Variants in ASPH observed in about 807,000 individuals in gnomAD.
ASPH encodes aspartyl/asparaginyl beta-hydroxylase.
ASPH carries 100 observed loss-of-function variants against 118.4 expected under a neutral mutation model. The observed-to-expected ratio is 0.84, with a 90% CI of 0.72 to 1.00. ASPH has a LOEUF of 1.00. ASPH is among the 50% of genes least tolerant of loss of function. The pLI, the probability that ASPH is intolerant of heterozygous loss-of-function variation, is 0.00. For missense variants in ASPH, 920 were observed against 919.5 expected, an observed-to-expected ratio of 1.00 and a Z score of -0.01; for synonymous variants, 315 against 325.6, an observed-to-expected ratio of 0.97 and a Z score of 0.35.
chr8:61,634,136 A>G (rs1380352082), intron 12 of ASPH, among the ~76,000 whole-genome samples: 2 of 152,226 alleles, frequency 1.3e-5, no homozygotes, highest in African/African-American at 4.8e-5. Flanking sequence ...GAAAACTAAT[A>G]TTCCAGATAA....
At chr8:61,552,659 CTCT>C (rs556929148) in intron 20 of ASPH, among the ~76,000 whole-genome samples, 48 of 152,140 alleles carry the variant, frequency 3.2e-4, no homozygotes, top group African/African-American at 1.2e-3. Context: ...TCAGTGACAT[CTCT>C]TCATTTCAAA....
intron 14 of ASPH, among the ~76,000 whole-genome samples, chr8:61,591,443 C>T (rs1240977301): frequency 6.6e-6 from 1 of 150,766 alleles, no homozygotes; most frequent in Non-Finnish European, 1.5e-5. Flanking sequence ...CACTGAAGAT[C>T]TTGTAGGGAA....
intron 24 of ASPH, among the ~76,000 whole-genome samples, chr8:61,510,486 A>T (rs1289248003): frequency 3.3e-5 from 5 of 152,250 alleles, no homozygotes; most frequent in Admixed American, 2.6e-4. Context: ...GCTGACCTAG[A>T]AACCACCACA....
chr8:61,585,250 C>T (rs1343117765), intron 14 of ASPH, among the ~76,000 whole-genome samples: 2 of 152,138 alleles, frequency 1.3e-5, no homozygotes, highest in Non-Finnish European at 2.9e-5. Context: ...TGCTGGTGCA[C>T]AACTGGCAGT....
chr8:61,562,040 T>C (rs955226682), intron 18 of ASPH, among the ~76,000 whole-genome samples: 12 of 152,178 alleles, frequency 7.9e-5, no homozygotes, highest in African/African-American at 2.7e-4. Flanking sequence ...AGGGCCTAAA[T>C]TAAAGAATAA....
At chr8:61,667,864 T>C (rs1274013989) in intron 3 of ASPH, among the ~76,000 whole-genome samples, 1 of 152,166 alleles carries the variant, frequency 6.6e-6, no homozygotes, top group Non-Finnish European at 1.5e-5. Flanking sequence ...CATCTTTTTT[T>C]CCCAAAAGTA....
rs77385232 is a variant in ASPH, at chr8:61,548,902, T to C, written c.1627-694A>G. ...ACATGATACTACTTGCCTCCAAGAC[T>C]AGCCTTTTCAGGGACAGCTGGCTAC... On this transcript the variant is annotated intron_variant, in intron 20 of 24. Coordinates refer to ENST00000379454, the MANE Select transcript of ASPH (RefSeq NM_004318.4). Among the ~76,000 whole-genome samples, 151 of 152,334 alleles carry C rather than the reference T, an allele frequency of 9.9e-4. 2 individuals carry two copies. The East Asian group carries it at 0.022, about 22-fold the overall frequency.
At chr8:61,692,518 G>A (rs1832864806) in intron 1 of ASPH, among the ~76,000 whole-genome samples, 1 of 152,130 alleles carries the variant, frequency 6.6e-6, no homozygotes, top group Non-Finnish European at 1.5e-5. Context: ...ATTAGTATCA[G>A]CCTAATGCCA....
rs563250475 is a variant in ASPH at position 61,670,299 on chromosome 8, T to G, written c.322+10669A>C. Among the ~76,000 whole-genome samples, 29 of 151,754 alleles carry G rather than the reference T, an allele frequency of 1.9e-4. No individual in the cohort carries two copies. The East Asian group carries it at 3.5e-3, about 18-fold the overall frequency. ...AAATTTTTTAAAAAAGGAAATGTGT[T>G]TGTTTGTTTTTTTTTTAAAGTGAAA... On this transcript the variant is annotated intron_variant, in intron 3 of 24. Coordinates refer to ENST00000379454, the MANE Select transcript of ASPH (RefSeq NM_004318.4).
chr8:61,520,523 C>A lies in ASPH; in HGVS notation c.1901-2400G>T, dbSNP rs184556938. 9.2e-5 allele frequency among the ~76,000 whole-genome samples: 14 copies of A among 152,334 alleles called. No individual in the cohort carries two copies. In the East Asian group the frequency reaches 1.5e-3, roughly 17 times the overall value. On this transcript the variant is annotated intron_variant, in intron 22 of 24. Coordinates refer to ENST00000379454, the MANE Select transcript of ASPH (RefSeq NM_004318.4). Reference sequence around the variant, plus strand: ...GTTTTAGAAAACAACTTAGCTTTTTCTAAGTAACCTTTTTGGCTCTTAATT... The same window carrying A: ...GTTTTAGAAAACAACTTAGCTTTTTATAAGTAACCTTTTTGGCTCTTAATT...
chr8:61,676,177 T>G, intron 3 of ASPH: 1 of 1,599,374 alleles, frequency 6.3e-7, no homozygotes, highest in Non-Finnish European at 8.5e-7. Context: ...CTTCTTCTTC[T>G]TCTTCTAGCA....
rs556043425 is a variant in ASPH at position 61,503,412 on chromosome 8, C to T, written c.2224G>A (p.Val742Met). 1.2e-6 allele frequency: 2 copies of T among 1,613,126 alleles called. No individual in the cohort carries two copies. The highest frequency in any genetic ancestry group is 2.2e-5 in the East Asian group (1 of 44,786). ...SSFRLIFIVD[V>M]WHPELTPQQR... ...TGTGGTGTCAGTTCCGGATGCCACA[C>T]ATCCACGATGAATATCAGCCGGAAA... Residue 742 changes from valine (V) to methionine (M), a missense_variant, in exon 25 of 25, where the codon GTG becomes ATG. By Grantham distance (21) the Val-to-Met change is conservative (BLOSUM62 1). Transcript: ENST00000379454.
chr8:61,631,674 C>T (rs1458151297), intron 13 of ASPH: 1 of 152,218 alleles, frequency 6.6e-6, no homozygotes, highest in East Asian at 1.9e-4. Flanking sequence ...CTTACATCCT[C>T]TTCTGGCAGG....
rs1238424212 is a variant in ASPH, at chr8:61,516,248, G to A, written c.2126+1280C>T. ...CTGCAAGTTGAGTGTCTGTGAGCAGGTGAGGCTCCTGCTCATGGAGCCATC... is the reference window on the plus strand; with the variant it reads ...CTGCAAGTTGAGTGTCTGTGAGCAGATGAGGCTCCTGCTCATGGAGCCATC... On this transcript the variant is annotated intron_variant, in intron 24 of 24. Coordinates refer to ENST00000379454, the MANE Select transcript of ASPH (RefSeq NM_004318.4). 2.6e-5 allele frequency among the ~76,000 whole-genome samples: 4 copies of A among 152,152 alleles called. No individual in the cohort carries two copies. In the East Asian group the frequency reaches 5.8e-4, roughly 22 times the overall value.
intron 1 of ASPH, among the ~76,000 whole-genome samples, chr8:61,698,731 G>A (rs553005985): frequency 2.6e-5 from 4 of 152,230 alleles, no homozygotes; most frequent in East Asian, 1.9e-4. Flanking sequence ...AATTATTAGC[G>A]AAAGACACTC....
intron 21 of ASPH, among the ~76,000 whole-genome samples, chr8:61,541,287 C>T (rs1821855583): frequency 6.6e-6 from 1 of 152,144 alleles, no homozygotes; most frequent in Non-Finnish European, 1.5e-5. Flanking sequence ...TAGCGTGAAC[C>T]CGCGAGGCGG....
At chr8:61,524,345 C>A (rs774303268) in intron 22 of ASPH, among the ~76,000 whole-genome samples, 1 of 150,394 alleles carries the variant, frequency 6.6e-6, no homozygotes, top group African/African-American at 2.5e-5. Flanking sequence ...GAATTCCAAT[C>A]AAAATATTTA....
At chr8:61,586,990 G>A (rs977617016) in intron 14 of ASPH, among the ~76,000 whole-genome samples, 2 of 152,168 alleles carry the variant, frequency 1.3e-5, no homozygotes, top group African/African-American at 4.8e-5. Flanking sequence ...CTGGAGCAGT[G>A]GGTATGTCCA....
rs544411997 is a variant in ASPH, at chr8:61,643,334, T to C, written c.757+52A>G. ...ATCACCATGTAAACACAGCATGTGA[T>C]TGAAAAATCTAAGGTAATATTTTAA... On this transcript the variant is annotated intron_variant, in intron 9 of 24. Coordinates refer to ENST00000379454, the MANE Select transcript of ASPH (RefSeq NM_004318.4). 24 of 1,548,806 alleles carry C rather than the reference T, an allele frequency of 1.5e-5. No individual in the cohort carries two copies. The South Asian group carries it at 2.7e-4, about 18-fold the overall frequency.
Sources: gnomAD v4.1 joint callset for allele counts (sites outside exome capture counted in the v4.1 genomes callset) on GRCh38, gnomAD v4.1.1 for gene constraint, MANE v1.5 for transcripts, NCBI Gene and HGNC (gene_info 2026-07-23, HGNC 2026-07-21) for gene names.